Variants in DNAJC5 observed in about 807,000 individuals in gnomAD.
DNAJC5 encodes DnaJ heat shock protein family (Hsp40) member C5, also known as dnaJ homolog subfamily C member 5.
Under a neutral mutation model 23.2 loss-of-function variants are expected in DNAJC5, and 1 was observed. The ratio of observed to expected loss-of-function variants is 0.04; its 90% confidence interval spans 0.02 to 0.20. The LOEUF is 0.20. DNAJC5 is among the 10% of genes least tolerant of loss of function. The pLI is 1.00. For synonymous variants in DNAJC5, 136 were observed against 120.0 expected (o/e 1.13, Z -0.87); for missense variants, 180 against 267.0 (o/e 0.67, Z 2.27).
rs986616857 is a variant in DNAJC5 at position 63,926,060 on chromosome 20, T to C, written c.-11-2275T>C. Among the ~76,000 whole-genome samples, 11 of 152,116 alleles carry C rather than the reference T, an allele frequency of 7.2e-5. No individual in the cohort carries two copies. In the South Asian group the frequency reaches 8.3e-4, roughly 11 times the overall value. On this transcript the variant is annotated intron_variant, in intron 1 of 4. Transcript: ENST00000360864. The stretch of plus-strand genomic sequence containing the variant: ...AGCCAGGATGGTCTCAATCTCCTGA[T>C]CTCGTGATCTGCCCGCCTTGGCCTC...
chr20:63,913,003 T>G (rs1375636549), intron 1 of DNAJC5, among the ~76,000 whole-genome samples: 1 of 79,974 alleles, frequency 1.3e-5, no homozygotes, highest in Non-Finnish European at 2.2e-5. Context: ...CGTATTTGTA[T>G]TTTTAGCAAT....
intron 1 of DNAJC5, among the ~76,000 whole-genome samples, chr20:63,917,798 C>G (rs2053525529): frequency 6.6e-6 from 1 of 151,576 alleles, no homozygotes; most frequent in South Asian, 2.1e-4. Flanking sequence ...CTCAAGCCAT[C>G]TGCCCACCTT....
At position 63,932,474 on chromosome 20, in the gene DNAJC5, A is replaced by C. The variant is rs996583401; in HGVS notation, c.*906A>C. ...TCCTTCCAGCACACCTGTCCTTTCC[A>C]TAGCCCTTTTTGGACCTTTAGAACC... On this transcript the variant is annotated 3_prime_UTR_variant, in exon 5 of 5. Coordinates refer to ENST00000360864, the MANE Select transcript of DNAJC5 (RefSeq NM_025219.3). The surrounding 1 kb of genome is among the most constrained non-coding windows in gnomAD (Gnocchi z 4.4). 1 of 152,258 alleles carries C rather than the reference A, an allele frequency of 6.6e-6. No homozygotes were observed. Among genetic ancestry groups the C allele is most frequent in the Non-Finnish European group, 1.5e-5 (1 of 68,080 alleles). 9.4% of individuals were successfully genotyped at this position (152,258 alleles called of 1,614,324 possible).
intron 1 of DNAJC5, among the ~76,000 whole-genome samples, chr20:63,898,753 A>T (rs2053390248): frequency 6.6e-6 from 1 of 152,170 alleles, no homozygotes; most frequent in East Asian, 1.9e-4. Flanking sequence ...AGGCAGGAGA[A>T]TTGCTTGAAC....
intron 1 of DNAJC5, among the ~76,000 whole-genome samples, chr20:63,907,372 A>G (rs575226959): frequency 1.4e-4 from 22 of 152,198 alleles, no homozygotes; most frequent in Non-Finnish European, 3.2e-4. Flanking sequence ...TCATCATAAT[A>G]GCTAACATTA....
At chr20:63,913,105 C>CTGCTCCATCTCCCCATCTGCG (rs1555878048) in intron 1 of DNAJC5, among the ~76,000 whole-genome samples, 1 of 152,002 alleles carries the variant, frequency 6.6e-6, no homozygotes, top group Admixed American at 6.6e-5. Context: ...ACTGTCTCTC[C>CTGCTCCATCTCCCCATCTGCG]CAGAGGTGTT....
chr20:63,916,108 T>A (rs963964316), intron 1 of DNAJC5, among the ~76,000 whole-genome samples: 10 of 152,118 alleles, frequency 6.6e-5, no homozygotes, highest in South Asian at 2.1e-4. Context: ...TAATTATGCC[T>A]GGCTAATTTT....
chr20:63,925,995 T>C (rs939729894), intron 1 of DNAJC5, among the ~76,000 whole-genome samples: 4 of 151,892 alleles, frequency 2.6e-5, no homozygotes, highest in Non-Finnish European at 5.9e-5. Flanking sequence ...TTCCGGCTAA[T>C]TTTTTTGTAT....
In DNAJC5 at chr20:63,932,003, A is replaced by T. The variant is rs1031190515; in HGVS notation, c.*435A>T. 4.2e-5 allele frequency: 14 copies of T among 331,084 alleles called. No homozygotes were observed. The highest frequency in any genetic ancestry group is 2.8e-4 in the African/African-American group (13 of 46,310). The allele number at this position is 331,084 out of a possible 1,614,324, so 20.5% of individuals were successfully genotyped here. A position where few individuals can be genotyped will look rare whatever the true frequency, so the allele number is the denominator to read the frequency against. On this transcript the variant is annotated 3_prime_UTR_variant, in exon 5 of 5. Coordinates refer to ENST00000360864, the MANE Select transcript of DNAJC5 (RefSeq NM_025219.3). The surrounding 1 kb of genome is among the most constrained non-coding windows in gnomAD (Gnocchi z 4.4). ...GCCGGAGGCAGGTGCTGCCTGGCAG[A>T]GCTGTGTTACCGTCTTGGCCTCGGG...
intron 1 of DNAJC5, among the ~76,000 whole-genome samples, chr20:63,923,044 G>C (rs771461413): frequency 1.3e-5 from 2 of 152,132 alleles, no homozygotes; most frequent in African/African-American, 4.8e-5. Context: ...AGGAGGCTAC[G>C]GCAGGAGAAT....
intron 1 of DNAJC5, among the ~76,000 whole-genome samples, chr20:63,896,350 G>C (rs902437064): frequency 6.6e-6 from 1 of 152,156 alleles, no homozygotes; most frequent in African/African-American, 2.4e-5. Flanking sequence ...GGGAAGTTTC[G>C]GTTGAGTTCC....
chr20:63,895,296 G>A lies in DNAJC5; in HGVS notation c.-39G>A, dbSNP rs2053366172. On this transcript the variant is annotated 5_prime_UTR_variant, in exon 1 of 5. Coordinates refer to ENST00000360864, the MANE Select transcript of DNAJC5 (RefSeq NM_025219.3). ...GGGAGCGGAGCCGCGGAGCCGGCGG[G>A]AGGGCGGGCGGGCGGGCGGACGGGC... 6.7e-6 allele frequency: 1 copy of A among 148,244 alleles called. No individual in the cohort carries two copies. The allele number at this position is 148,244 out of a possible 1,614,324, so 9.2% of individuals were successfully genotyped here. A position where few individuals can be genotyped will look rare whatever the true frequency, so the allele number is the denominator to read the frequency against.
chr20:63,906,298 C>A (rs1348907978), intron 1 of DNAJC5, among the ~76,000 whole-genome samples: 2 of 151,774 alleles, frequency 1.3e-5, no homozygotes, highest in Non-Finnish European at 2.9e-5. Flanking sequence ...ACCAGCCTGG[C>A]CAACATGGCG....
chr20:63,924,198 G>GTT (rs71333726), intron 1 of DNAJC5, among the ~76,000 whole-genome samples: 52,132 of 151,716 alleles, frequency 0.34, 10,662 homozygotes, highest in East Asian at 0.81. Flanking sequence ...AAAAAAATCA[G>GTT]TATCAGTTTC....
intron 1 of DNAJC5, among the ~76,000 whole-genome samples, chr20:63,925,748 C>CT (rs1013307728): frequency 8.1e-6 from 1 of 123,992 alleles, no homozygotes; most frequent in African/African-American, 4.2e-5. Flanking sequence ...CAAAGCGAGA[C>CT]TATCTCAAAA....
chr20:63,918,606 G>T (rs2053533646), intron 1 of DNAJC5, among the ~76,000 whole-genome samples: 1 of 152,084 alleles, frequency 6.6e-6, no homozygotes, highest in Admixed American at 6.6e-5. Flanking sequence ...ATTTTTTGTT[G>T]TTTTTTTGAG....
Position 63,928,515 on chromosome 20 carries a change from G to A in DNAJC5, c.107+63G>A. The A allele has an allele frequency of 7.2e-7, 1 of 1,397,422 alleles. No homozygotes were observed. Among genetic ancestry groups the A allele is most frequent in the Non-Finnish European group, 1.0e-6 (1 of 984,872 alleles). The allele number at this position is 1,397,422 out of a possible 1,614,324, so 86.6% of individuals were successfully genotyped here. ...AGACACACATGCCCCGTGTGGTTTAGTCTGCATTTTACCAAGAACCATTGC... is the reference window on the plus strand; with the variant it reads ...AGACACACATGCCCCGTGTGGTTTAATCTGCATTTTACCAAGAACCATTGC... On this transcript the variant is annotated intron_variant, in intron 2 of 4. Coordinates refer to ENST00000360864, the MANE Select transcript of DNAJC5 (RefSeq NM_025219.3). This position sits in a 1 kb window ranked among gnomAD's most constrained non-coding sequence, Gnocchi z 4.6.
chr20:63,927,188 G>A (rs778591617), intron 1 of DNAJC5, among the ~76,000 whole-genome samples: 3 of 152,160 alleles, frequency 2.0e-5, no homozygotes, highest in Non-Finnish European at 2.9e-5. Flanking sequence ...TGACTGTCAC[G>A]TCATGGTGGT....
chr20:63,928,328 C>A lies in DNAJC5; in HGVS notation c.-11-7C>A. Reference sequence around the variant, plus strand: ...TTGTGATACTTTCTTTTTATTTTTTCTTCTAGAATAGCCTAACATGGCAGA... The same window carrying A: ...TTGTGATACTTTCTTTTTATTTTTTATTCTAGAATAGCCTAACATGGCAGA... On this transcript the variant is annotated splice_region_variant and splice_polypyrimidine_tract_variant and intron_variant, in intron 1 of 4. Coordinates refer to ENST00000360864, the MANE Select transcript of DNAJC5 (RefSeq NM_025219.3). The surrounding 1 kb of genome is among the most constrained non-coding windows in gnomAD (Gnocchi z 4.6). The A allele has an allele frequency of 6.2e-7, 1 of 1,606,936 alleles. No individual in the cohort carries two copies. The highest frequency in any genetic ancestry group is 8.5e-7 in the Non-Finnish European group (1 of 1,174,246).
Sources: gnomAD v4.1 joint callset for allele counts (sites outside exome capture counted in the v4.1 genomes callset) on GRCh38, gnomAD v4.1.1 for gene constraint, Gnocchi (gnomAD v3.1) non-coding constraint, MANE v1.5 for transcripts, NCBI Gene and HGNC (gene_info 2026-07-23, HGNC 2026-07-21) for gene names.